The following HS3ST4 variants were observed in gnomAD, a reference collection of about 807,000 sequenced individuals.
HS3ST4 encodes the protein heparan sulfate-glucosamine 3-sulfotransferase 4.
HS3ST4 carries 17 observed loss-of-function variants against 29.2 expected under a neutral mutation model. That is an observed-to-expected ratio of 0.58 (90% confidence interval 0.40 to 0.87). The LOEUF (loss-of-function observed/expected upper bound fraction) is 0.87. HS3ST4 is among the 40% of genes least tolerant of loss of function. The probability of loss-of-function intolerance (pLI) is 0.00; values close to 1 mark genes in which losing one functional copy is unlikely to be tolerated. For missense variants in HS3ST4, 627 were observed against 634.5 expected (o/e 0.99, Z 0.13); for synonymous variants, 314 against 285.7 (o/e 1.10, Z -1.00).
chr16:26,109,490 G>T (rs1031744665), intron 1 of HS3ST4, among the ~76,000 whole-genome samples: 1 of 151,860 alleles, frequency 6.6e-6, no homozygotes, highest in Admixed American at 6.6e-5. Flanking sequence ...CACAGCACTG[G>T]TTCCCTGACA....
intron 1 of HS3ST4, among the ~76,000 whole-genome samples, chr16:25,777,982 G>A (rs909365862): frequency 2.6e-5 from 4 of 152,136 alleles, no homozygotes; most frequent in African/African-American, 9.7e-5. Flanking sequence ...GAGAGTTCTG[G>A]AGAGGGGTGA....
At chr16:25,782,233 A>G (rs1358258791) in intron 1 of HS3ST4, among the ~76,000 whole-genome samples, 1 of 152,188 alleles carries the variant, frequency 6.6e-6, no homozygotes, top group African/African-American at 2.4e-5. Flanking sequence ...ATCACTTCCC[A>G]CCAGGTTCCT....
intron 1 of HS3ST4, among the ~76,000 whole-genome samples, chr16:25,760,774 A>G (rs1567234450): frequency 6.6e-6 from 1 of 152,198 alleles, no homozygotes; most frequent in Non-Finnish European, 1.5e-5. Flanking sequence ...CTCTAAATAT[A>G]GTCACATTCT....
chr16:26,019,113 C>G (rs1184806169), intron 1 of HS3ST4, among the ~76,000 whole-genome samples: 1 of 152,110 alleles, frequency 6.6e-6, no homozygotes, highest in East Asian at 1.9e-4. Flanking sequence ...CAAGTGGATG[C>G]TGCCAGTTAC....
chr16:25,700,085 A>G (rs1201943338), intron 1 of HS3ST4, among the ~76,000 whole-genome samples: 2 of 152,180 alleles, frequency 1.3e-5, no homozygotes, highest in Non-Finnish European at 2.9e-5. Context: ...TTTCAAGATT[A>G]GGTCTGAATG....
intron 1 of HS3ST4, among the ~76,000 whole-genome samples, chr16:26,106,989 T>C (rs1489131923): frequency 6.6e-6 from 1 of 152,092 alleles, no homozygotes; most frequent in African/African-American, 2.4e-5. Context: ...CCCTCGACTA[T>C]CTAGAATGTT....
At position 25,940,533 on chromosome 16, in the gene HS3ST4, G is replaced by A. The variant is rs143879197; in HGVS notation, c.735-195079G>A. Among the ~76,000 whole-genome samples, 370 of 152,314 alleles carry A rather than the reference G, an allele frequency of 2.4e-3. 2 individuals carry two copies. The highest frequency in any genetic ancestry group is 8.3e-3 in the African/African-American group (346 of 41,578). On this transcript the variant is annotated intron_variant, in intron 1 of 1. Coordinates refer to ENST00000331351, the MANE Select transcript of HS3ST4 (RefSeq NM_006040.3). ...AGAATGAACCAGAATGTTGGAGTTCGTTCCAGCTATGCTGAGAGCTGGGAG... is the reference window on the plus strand; with the variant it reads ...AGAATGAACCAGAATGTTGGAGTTCATTCCAGCTATGCTGAGAGCTGGGAG...
At chr16:26,004,117 A>G (rs1248645170) in intron 1 of HS3ST4, among the ~76,000 whole-genome samples, 1 of 152,158 alleles carries the variant, frequency 6.6e-6, no homozygotes, top group Admixed American at 6.6e-5. Flanking sequence ...AGATAAATGC[A>G]CGTGTTCATG....
chr16:25,836,507 A>T (rs749289121), intron 1 of HS3ST4, among the ~76,000 whole-genome samples: 6 of 152,260 alleles, frequency 3.9e-5, no homozygotes, highest in Non-Finnish European at 8.8e-5. Flanking sequence ...GAACATTTTT[A>T]CAAATCTAAC....
At chr16:25,842,279 G>T (rs1427213216) in intron 1 of HS3ST4, among the ~76,000 whole-genome samples, 1 of 152,170 alleles carries the variant, frequency 6.6e-6, no homozygotes, top group Non-Finnish European at 1.5e-5. Flanking sequence ...AGAAATACTT[G>T]TAGTCCTGAT....
chr16:25,779,446 C>T (rs1016895199), intron 1 of HS3ST4, among the ~76,000 whole-genome samples: 1 of 152,206 alleles, frequency 6.6e-6, no homozygotes, highest in Non-Finnish European at 1.5e-5. Context: ...ATATTCTTTC[C>T]TTTGTACCAA....
intron 1 of HS3ST4, among the ~76,000 whole-genome samples, chr16:25,947,813 G>A (rs1463278335): frequency 1.3e-5 from 2 of 152,080 alleles, no homozygotes; most frequent in Non-Finnish European, 1.5e-5. Context: ...TGCAGGCTTC[G>A]AGGCAATGCT....
intron 1 of HS3ST4, among the ~76,000 whole-genome samples, chr16:25,955,225 T>C (rs935206005): frequency 4.6e-5 from 7 of 152,172 alleles, no homozygotes; most frequent in African/African-American, 1.7e-4. Context: ...GTATTTACCC[T>C]AGACTTGTTC....
intron 1 of HS3ST4, among the ~76,000 whole-genome samples, chr16:25,854,702 T>C (rs973241580): frequency 8.6e-5 from 13 of 151,892 alleles, no homozygotes; most frequent in Admixed American, 2.6e-4. Flanking sequence ...AGAAAGAGAC[T>C]ACTTCTTGTG....
intron 1 of HS3ST4, among the ~76,000 whole-genome samples, chr16:25,888,127 G>A (rs1967973531): frequency 6.6e-6 from 1 of 152,252 alleles, no homozygotes; most frequent in African/African-American, 2.4e-5. Context: ...GCTTAATGTG[G>A]ACTTCAGTTG....
At chr16:25,980,127 CTAACT>C (rs1968989382) in intron 1 of HS3ST4, among the ~76,000 whole-genome samples, 1 of 152,170 alleles carries the variant, frequency 6.6e-6, no homozygotes. Context: ...CCTGGAGCTC[CTAACT>C]TAAGACTCTT....
In HS3ST4 at chr16:25,817,084, C is replaced by G. The variant is rs544382131; in HGVS notation, c.734+123933C>G. Among the ~76,000 whole-genome samples the G allele has an allele frequency of 3.3e-5, 5 of 152,346 alleles. No individual in the cohort carries two copies. In the South Asian group the frequency reaches 1.0e-3, roughly 32 times the overall value. ...AACCATAGCAAGCTGCATTGCATTT[C>G]AAAGCTGCAGTTTGAGTCTTAGCTC... On this transcript the variant is annotated intron_variant, in intron 1 of 1. Coordinates refer to ENST00000331351, the MANE Select transcript of HS3ST4 (RefSeq NM_006040.3).
intron 1 of HS3ST4, among the ~76,000 whole-genome samples, chr16:25,937,227 T>A (rs1968526074): frequency 6.6e-6 from 1 of 151,306 alleles, no homozygotes; most frequent in Non-Finnish European, 1.5e-5. Flanking sequence ...AACTGTGGGG[T>A]GAGTTAATGG....
At chr16:26,093,718 G>A (rs867661762) in intron 1 of HS3ST4, among the ~76,000 whole-genome samples, 4 of 152,272 alleles carry the variant, frequency 2.6e-5, no homozygotes, top group Admixed American at 6.5e-5. Flanking sequence ...CCAAAGGATC[G>A]CAGCTCCTTG....
Sources: allele counts gnomAD v4.1 joint callset (sites outside exome capture counted in the v4.1 genomes callset), GRCh38; gene constraint gnomAD v4.1.1; transcripts MANE v1.5; gene names NCBI Gene and HGNC (gene_info 2026-07-23, HGNC 2026-07-21).